PMFBP1: variants seen among roughly 807,000 people sequenced by gnomAD.
The protein encoded by PMFBP1 is polyamine-modulated factor 1-binding protein 1.
Under a neutral mutation model 137.8 loss-of-function variants are expected in PMFBP1, and 131 were observed. That is an observed-to-expected ratio of 0.95 (90% CI 0.82 to 1.10). The LOEUF (loss-of-function observed/expected upper bound fraction) is 1.10. Ranked by LOEUF, PMFBP1 falls within the 50% of genes least tolerant of loss-of-function variation. PMFBP1 has a pLI of 0.00. For missense variants in PMFBP1, 1,199 were observed against 1,175.4 expected (o/e 1.02, Z -0.29); for synonymous variants, 490 against 450.4 (o/e 1.09, Z -1.11).
In PMFBP1 at chr16:72,128,742, T is replaced by A. The variant is rs1439308315; in HGVS notation, c.2003A>T (p.Glu668Val). 2 of 1,614,038 alleles carry A rather than the reference T, an allele frequency of 1.2e-6. No homozygotes were observed. The highest frequency in any genetic ancestry group is 1.7e-6 in the Non-Finnish European group (2 of 1,180,038). The change falls in exon 14 of 21, where the codon GAG (glutamate) becomes GTG (valine). Residue 668 changes from glutamate to valine, a missense_variant. Physicochemically the swap from Glu to Val is moderately radical, Grantham distance 121 (BLOSUM62 -2). Transcript: ENST00000237353. ...CAGTTGTGTAGAACAACACTGTAGC[T>A]CTGCTCGGAGATTCTCATTTTCTTC... ...LEEENENLRA[E>V]LQCCSTQLES...
the PMFBP1 span, among the ~76,000 whole-genome samples, chr16:72,182,281 A>G: frequency 6.3e-4 from 96 of 152,308 alleles, no homozygotes; most frequent in South Asian, 1.0e-3. Context: ...AATGGCTTTG[A>G]GCTCACAAGT....
At chr16:72,227,087 T>C in the PMFBP1 span, among the ~76,000 whole-genome samples, 1 of 151,982 alleles carries the variant, frequency 6.6e-6, no homozygotes, top group Non-Finnish European at 1.5e-5. Context: ...TGATTTCATT[T>C]GTAGAAAAAA....
intron 18 of PMFBP1, among the ~76,000 whole-genome samples, chr16:72,123,277 T>A (rs894412511): frequency 6.6e-6 from 1 of 152,204 alleles, no homozygotes; most frequent in African/African-American, 2.4e-5. Flanking sequence ...GGAGGATATC[T>A]GAGCCAATGT....
chr16:72,158,192 G>A (rs990119318), intron 3 of PMFBP1, among the ~76,000 whole-genome samples: 3 of 152,176 alleles, frequency 2.0e-5, no homozygotes, highest in African/African-American at 2.4e-5. Flanking sequence ...GAATTGAGAA[G>A]AGAGACAGAG....
At chr16:72,235,494 CTTT>C in the PMFBP1 span, among the ~76,000 whole-genome samples, 15 of 136,202 alleles carry the variant, frequency 1.1e-4, no homozygotes, top group African/African-American at 2.9e-4. Context: ...TTTGGCCATT[CTTT>C]TTTTTTTTTT....
intron 19 of PMFBP1, among the ~76,000 whole-genome samples, chr16:72,120,372 G>A (rs1243664222): frequency 6.6e-6 from 1 of 152,170 alleles, no homozygotes; most frequent in Admixed American, 6.5e-5. Context: ...GTCAGGCCTG[G>A]CCTGACTGAT....
the PMFBP1 span, among the ~76,000 whole-genome samples, chr16:72,227,168 A>G: frequency 9.2e-5 from 14 of 152,162 alleles, no homozygotes; most frequent in Admixed American, 1.3e-4. Flanking sequence ...ATTTAATAGG[A>G]AAAGAAACTG....
chr16:72,124,635 A>C, intron 17 of PMFBP1, 132 bp downstream of exon 17: 1 of 1,111,320 alleles, frequency 9.0e-7, no homozygotes, highest in Non-Finnish European at 1.3e-6. Context: ...GCTTTGTGCT[A>C]AATGGAGGGG....
Position 72,140,429 on chromosome 16 carries a change from C to T in PMFBP1, c.790G>A (p.Ala264Thr). 6.2e-7 allele frequency: 1 copy of T among 1,613,928 alleles called. No individual in the cohort carries two copies. Among genetic ancestry groups the T allele is most frequent in the Non-Finnish European group, 8.5e-7 (1 of 1,179,822 alleles). ...DLIQELRNKL[A>T]CSNALVLERE... ...GCACTTACCAAAGCGTTACTGCAGGCCAGCTTATTTCGAAGTTCTTGAATG... is the reference window on the plus strand; with the variant it reads ...GCACTTACCAAAGCGTTACTGCAGGTCAGCTTATTTCGAAGTTCTTGAATG... The change falls in exon 6 of 21, where the codon GCC (alanine) becomes ACC (threonine). Residue 264 changes from alanine to threonine, a missense_variant. By Grantham distance (58) the Ala-to-Thr change is moderately conservative. Coordinates refer to ENST00000237353, the MANE Select transcript of PMFBP1 (RefSeq NM_031293.3).
chr16:72,139,533 T>C (rs1216252555), intron 6 of PMFBP1, 134 bp from the exon 7 acceptor site: 7 of 728,138 alleles, frequency 9.6e-6, no homozygotes, highest in Non-Finnish European at 1.7e-5. Flanking sequence ...GCATTCCCTG[T>C]GGGGTAGGTA....
the PMFBP1 span, among the ~76,000 whole-genome samples, chr16:72,245,841 T>G: frequency 6.6e-6 from 1 of 152,356 alleles, no homozygotes; most frequent in South Asian, 2.1e-4. Context: ...TCACTTGAGC[T>G]GATATTACAC....
At position 72,124,938 on chromosome 16, in the gene PMFBP1, C is replaced by T; in HGVS notation, c.2422-4G>A. Reference sequence around the variant, plus strand: ...GCTTCTTGTCAAAGGCGTGCACCTACTCAGGAGAGCAAAGTGAGGAGGGGG... The same window carrying T: ...GCTTCTTGTCAAAGGCGTGCACCTATTCAGGAGAGCAAAGTGAGGAGGGGG... On this transcript the variant is annotated splice_polypyrimidine_tract_variant and splice_region_variant and intron_variant, in intron 16 of 20. Transcript: ENST00000237353. The T allele has an allele frequency of 6.2e-7, 1 of 1,613,062 alleles. No individual in the cohort carries two copies. The highest frequency in any genetic ancestry group is 8.5e-7 in the Non-Finnish European group (1 of 1,179,314).
At chr16:72,204,277 T>A in the PMFBP1 span, among the ~76,000 whole-genome samples, 1 of 151,628 alleles carries the variant, frequency 6.6e-6, no homozygotes, top group Non-Finnish European at 1.5e-5. Context: ...GGCCTCAACA[T>A]CGTGGGCTCA....
downstream of PMFBP1, among the ~76,000 whole-genome samples, chr16:72,117,912 G>C (rs1393926894): frequency 1.3e-5 from 2 of 152,180 alleles, no homozygotes; most frequent in African/African-American, 4.8e-5. Flanking sequence ...CTTCTGCCTA[G>C]CTGGGCTGTC....
chr16:72,154,990 G>A (rs60201663), intron 3 of PMFBP1, among the ~76,000 whole-genome samples: 5,427 of 152,170 alleles, frequency 0.036, 319 homozygotes, highest in African/African-American at 0.13. Context: ...TCTCCTGAAG[G>A]AAGATGTGAC....
At chr16:72,140,705 T>A in intron 5 of PMFBP1, 123 bp from the exon 6 acceptor site, 1 of 943,786 alleles carries the variant, frequency 1.1e-6, no homozygotes, top group South Asian at 1.8e-5. Flanking sequence ...ATGGAAATCA[T>A]GGTTTCCTTA....
chr16:72,221,972 C>G, the PMFBP1 span, among the ~76,000 whole-genome samples: 2 of 152,152 alleles, frequency 1.3e-5, no homozygotes, highest in African/African-American at 4.8e-5. Flanking sequence ...GGCACTTTGC[C>G]GGGCTCAGGT....
chr16:72,119,751 A>G (rs2042347992), intron 20 of PMFBP1, 100 bp downstream of exon 20: 65 of 1,538,032 alleles, frequency 4.2e-5, no homozygotes, highest in Non-Finnish European at 5.7e-5. Flanking sequence ...AAATGACTTG[A>G]GGCCACAAAA....
chr16:72,195,277 G>A, the PMFBP1 span, among the ~76,000 whole-genome samples: 2 of 152,126 alleles, frequency 1.3e-5, no homozygotes, highest in Admixed American at 6.5e-5. Context: ...TCTCTGAGCC[G>A]CACTGCAGTC....
Sources: allele counts gnomAD v4.1 joint callset (sites outside exome capture counted in the v4.1 genomes callset), GRCh38; gene constraint gnomAD v4.1.1; transcripts MANE v1.5; gene names NCBI Gene and HGNC (gene_info 2026-07-23, HGNC 2026-07-21).